The following PTBP3 variants were observed in gnomAD, a reference collection of about 807,000 sequenced individuals.
The protein encoded by PTBP3 is polypyrimidine tract-binding protein 3.
A neutral mutation model predicts 58.7 loss-of-function variants in PTBP3; 20 were observed. The ratio of observed to expected loss-of-function variants is 0.34; its 90% CI spans 0.24 to 0.50. PTBP3 has a LOEUF of 0.50. PTBP3 is among the 20% of genes least tolerant of loss of function. The pLI, the probability that PTBP3 is intolerant of heterozygous loss-of-function variation, is 0.98. For synonymous variants in PTBP3, 185 were observed against 219.8 expected (o/e 0.84, Z 1.40); for missense variants, 509 against 637.2 (o/e 0.80, Z 2.17).
chr9:112,249,371 T>G (rs1399672334), intron 7 of PTBP3, among the ~76,000 whole-genome samples: 1 of 152,136 alleles, frequency 6.6e-6, no homozygotes, highest in African/African-American at 2.4e-5. Context: ...AAGGACATAG[T>G]GCTTATGACT....
At chr9:112,343,796 A>C in the PTBP3 span, among the ~76,000 whole-genome samples, 1 of 152,098 alleles carries the variant, frequency 6.6e-6, no homozygotes, top group African/African-American at 2.4e-5. Flanking sequence ...ATCTCAAAAA[A>C]AAAAAAAAAG....
chr9:112,365,635 G>A, the PTBP3 span, among the ~76,000 whole-genome samples: 4 of 152,120 alleles, frequency 2.6e-5, no homozygotes, highest in Non-Finnish European at 5.9e-5. Context: ...AGTGGTGTGG[G>A]GTGCTGCTGA....
intron 9 of PTBP3, 127 bp from the exon 10 acceptor site, chr9:112,231,540 C>T (rs1835199990): frequency 1.5e-6 from 1 of 658,732 alleles, no homozygotes. Flanking sequence ...TCCGTATATA[C>T]TAGTGATGAA....
At chr9:112,376,197 A>ATGTG in the PTBP3 span, among the ~76,000 whole-genome samples, 1 of 112,112 alleles carries the variant, frequency 8.9e-6, no homozygotes, top group African/African-American at 3.9e-5. Flanking sequence ...TTCCTTATAT[A>ATGTG]CGTGTGTGTG....
chr9:112,260,343 G>A (rs1836543251), intron 5 of PTBP3, among the ~76,000 whole-genome samples: 1 of 152,212 alleles, frequency 6.6e-6, no homozygotes, highest in African/African-American at 2.4e-5. Flanking sequence ...AAAATAGAAG[G>A]GGTAAGTTAC....
chr9:112,331,082 AACACACACACACACACACACACACACAC>A (rs10660591), intron 1 of PTBP3, among the ~76,000 whole-genome samples: 13 of 139,530 alleles, frequency 9.3e-5, no homozygotes, highest in Non-Finnish European at 1.2e-4. Flanking sequence ...GGAGGAAACG[AACACACACACACACACACACACACACAC>A]ACACACACAC....
chr9:112,333,593 C>A lies in PTBP3; in HGVS notation c.-175G>T, dbSNP rs2132508298. 7.7e-7 allele frequency: 1 copy of A among 1,298,312 alleles called. No individual in the cohort carries two copies. The highest frequency in any genetic ancestry group is 1.1e-6 in the Non-Finnish European group (1 of 922,456). The allele number at this position is 1,298,312 out of a possible 1,614,324, so 80.4% of individuals were successfully genotyped here. A position where few individuals can be genotyped will look rare whatever the true frequency, so the allele number is the denominator to read the frequency against. ...AAGCGAGCTTTGGCTCTGCGGAGCC[C>A]CGGCCGGTCCGAGGTGGAAGGAGAG... is the stretch of plus-strand genomic sequence containing the variant. On this transcript the variant is annotated 5_prime_UTR_variant, in exon 1 of 14. Transcript: ENST00000374257.
chr9:112,338,596 A>G (rs1172891391), upstream of PTBP3, among the ~76,000 whole-genome samples: 3 of 152,238 alleles, frequency 2.0e-5, no homozygotes, highest in African/African-American at 7.2e-5. Flanking sequence ...GCATGTGAGT[A>G]TAATTTATAG....
chr9:112,363,688 CT>C, the PTBP3 span, among the ~76,000 whole-genome samples: 1 of 152,048 alleles, frequency 6.6e-6, no homozygotes, highest in African/African-American at 2.4e-5. Context: ...ATGGTTTTTG[CT>C]TTTGTTTTGT....
At chr9:112,338,917 A>G in the PTBP3 span, among the ~76,000 whole-genome samples, 1 of 152,090 alleles carries the variant, frequency 6.6e-6, no homozygotes, top group South Asian at 2.1e-4. Context: ...TCACTGTCCT[A>G]TAGTATAATT....
intron 7 of PTBP3, among the ~76,000 whole-genome samples, chr9:112,238,102 A>G (rs1835504249): frequency 6.6e-6 from 1 of 151,842 alleles, no homozygotes; most frequent in Admixed American, 6.6e-5. Context: ...ACTCATCCCC[A>G]CCCTCCCCCA....
At chr9:112,252,477 T>A in intron 6 of PTBP3, 1 of 547,198 alleles carries the variant, frequency 1.8e-6, no homozygotes. Flanking sequence ...TGATAGGAGA[T>A]TTGAGACCGT....
chr9:112,233,442 A>C (rs1835324469), intron 8 of PTBP3, among the ~76,000 whole-genome samples: 1 of 152,072 alleles, frequency 6.6e-6, no homozygotes, highest in South Asian at 2.1e-4. Context: ...AATGAGGGAA[A>C]ACATATCAAA....
intron 5 of PTBP3, among the ~76,000 whole-genome samples, chr9:112,261,880 T>C (rs7861038): frequency 0.28 from 43,011 of 152,130 alleles, 6,888 homozygotes; most frequent in South Asian, 0.4. Flanking sequence ...CACTACAAAA[T>C]TGTGAAACTA....
At chr9:112,371,498 T>C in the PTBP3 span, among the ~76,000 whole-genome samples, 1 of 152,178 alleles carries the variant, frequency 6.6e-6, no homozygotes, top group Non-Finnish European at 1.5e-5. Context: ...TGAAAAGATA[T>C]AAAATTATTA....
At chr9:112,287,541 A>G (rs1828194181) in intron 2 of PTBP3, among the ~76,000 whole-genome samples, 1 of 151,268 alleles carries the variant, frequency 6.6e-6, no homozygotes, top group Non-Finnish European at 1.5e-5. Flanking sequence ...GGGTTTCACC[A>G]TGTTGGTCAG....
chr9:112,374,457 G>A, the PTBP3 span, among the ~76,000 whole-genome samples: 3 of 152,162 alleles, frequency 2.0e-5, no homozygotes, highest in Non-Finnish European at 4.4e-5. Context: ...TCCTGGCTAT[G>A]GGAGAAACAG....
At chr9:112,327,517 G>A (rs893877807) in intron 1 of PTBP3, among the ~76,000 whole-genome samples, 1 of 152,108 alleles carries the variant, frequency 6.6e-6, no homozygotes, top group African/African-American at 2.4e-5. Context: ...CCGAGATTGC[G>A]CCACTGCACT....
chr9:112,358,202 C>T, the PTBP3 span, among the ~76,000 whole-genome samples: 1 of 151,956 alleles, frequency 6.6e-6, no homozygotes, highest in Non-Finnish European at 1.5e-5. Flanking sequence ...CCCAACTACC[C>T]AGGAGGCTGA....
Sources: gnomAD v4.1 joint callset for allele counts (sites outside exome capture counted in the v4.1 genomes callset) on GRCh38, gnomAD v4.1.1 for gene constraint, MANE v1.5 for transcripts, NCBI Gene and HGNC (gene_info 2026-07-23, HGNC 2026-07-21) for gene names.